ELAVL2: variants seen among roughly 807,000 people sequenced by gnomAD.
ELAVL2 encodes the protein ELAV-like protein 2.
A neutral mutation model predicts 34.6 loss-of-function variants in ELAVL2; 4 were observed. That is an observed-to-expected ratio of 0.12 (90% confidence interval 0.06 to 0.26). ELAVL2 has a LOEUF of 0.26. ELAVL2 is among the 10% of genes least tolerant of loss of function. The pLI, the probability that ELAVL2 is intolerant of heterozygous loss-of-function variation, is 1.00. For synonymous variants in ELAVL2, 193 were observed against 154.8 expected, an observed-to-expected ratio of 1.25 and a Z score of -1.83; for missense variants, 432 against 442.8, an observed-to-expected ratio of 0.98 and a Z score of 0.22.
At chr9:23,716,166 C>A (rs7853184) in intron 3 of ELAVL2, among the ~76,000 whole-genome samples, 1 of 123,596 alleles carries the variant, frequency 8.1e-6, no homozygotes, top group African/African-American at 2.9e-5. Context: ...GGCCTGTTGT[C>A]GGGTTGGGGG....
At chr9:23,779,431 T>G in intron 1 of ELAVL2, 1 of 984,916 alleles carries the variant, frequency 1.0e-6, no homozygotes, top group South Asian at 4.7e-5. Context: ...ATCTGGGAGG[T>G]GGCTGAGGGA....
intron 1 of ELAVL2, among the ~76,000 whole-genome samples, chr9:23,818,944 T>G (rs2064124470): frequency 6.6e-6 from 1 of 152,290 alleles, no homozygotes; most frequent in Middle Eastern, 3.4e-3. Context: ...GCGTCACAGG[T>G]TTTTTAAAAA....
intron 1 of ELAVL2, among the ~76,000 whole-genome samples, chr9:23,783,204 TA>T (rs1276936024): frequency 6.6e-6 from 1 of 152,218 alleles, no homozygotes; most frequent in Non-Finnish European, 1.5e-5. Context: ...AAGACATTAA[TA>T]AGCAGAATTA....
intron 3 of ELAVL2, among the ~76,000 whole-genome samples, chr9:23,722,476 G>C (rs184423442): frequency 6.6e-6 from 1 of 152,232 alleles, no homozygotes; most frequent in East Asian, 1.9e-4. Flanking sequence ...TCTGCAAGAG[G>C]GCAGAGTTCT....
At chr9:23,793,421 A>G (rs1289962670) in intron 1 of ELAVL2, among the ~76,000 whole-genome samples, 1 of 152,170 alleles carries the variant, frequency 6.6e-6, no homozygotes, top group Non-Finnish European at 1.5e-5. Context: ...CATCCTAAGT[A>G]AGGTCTAGAG....
At chr9:23,728,839 T>C (rs2045878735) in intron 3 of ELAVL2, among the ~76,000 whole-genome samples, 1 of 152,080 alleles carries the variant, frequency 6.6e-6, no homozygotes. Context: ...CTTAGACAAA[T>C]GTGGGCCAAA....
chr9:23,754,745 G>C (rs1340093906), intron 2 of ELAVL2, among the ~76,000 whole-genome samples: 2 of 152,152 alleles, frequency 1.3e-5, no homozygotes, highest in Non-Finnish European at 1.5e-5. Flanking sequence ...ATACAGGCAT[G>C]AATCACTGCG....
chr9:23,845,318 G>C, the ELAVL2 span, among the ~76,000 whole-genome samples: 1 of 151,636 alleles, frequency 6.6e-6, no homozygotes, highest in African/African-American at 2.4e-5. Flanking sequence ...AAATTGTATA[G>C]ACGGTTGTAT....
chr9:23,737,126 T>C (rs1244675634), intron 2 of ELAVL2, among the ~76,000 whole-genome samples: 1 of 152,172 alleles, frequency 6.6e-6, no homozygotes, highest in East Asian at 1.9e-4. Context: ...GCTCCCTCAC[T>C]AGACTGCTGA....
chr9:23,742,355 C>T (rs144358066), intron 2 of ELAVL2, among the ~76,000 whole-genome samples: 140 of 152,300 alleles, frequency 9.2e-4, no homozygotes, highest in African/African-American at 3.3e-3. Context: ...AAAACTACTG[C>T]AAGTGTTAAC....
At chr9:23,821,923 G>C (rs1008354157) in intron 1 of ELAVL2, 6 of 151,296 alleles carry the variant, frequency 4.0e-5, no homozygotes, top group African/African-American at 1.2e-4. Context: ...CGGCGCCGCG[G>C]CCGCCGCCGG....
At chr9:23,780,030 A>AAAAAC (rs1564431860) in intron 1 of ELAVL2, among the ~76,000 whole-genome samples, 6 of 122,142 alleles carry the variant, frequency 4.9e-5, no homozygotes, top group African/African-American at 1.7e-4. Context: ...AAAAAAAAAA[A>AAAAAC]AAAACTTCAT....
At chr9:23,780,758 A>G (rs10966076) in intron 1 of ELAVL2, among the ~76,000 whole-genome samples, 76 of 152,354 alleles carry the variant, frequency 5.0e-4, no homozygotes, top group Admixed American at 1.8e-3. Flanking sequence ...CAAAATGAAG[A>G]TTTTAGTTCA....
chr9:23,769,382 G>A (rs544408966), intron 1 of ELAVL2, among the ~76,000 whole-genome samples: 1 of 152,126 alleles, frequency 6.6e-6, no homozygotes, highest in Non-Finnish European at 1.5e-5. Context: ...CATTCCTATA[G>A]CAAATGCTTT....
At chr9:23,821,919 C>CGCG (rs1331323913) in intron 1 of ELAVL2, 2 of 151,208 alleles carry the variant, frequency 1.3e-5, no homozygotes, top group African/African-American at 2.4e-5. Flanking sequence ...TTCGCGGCGC[C>CGCG]GCGGCCGCCG....
chr9:23,702,973 A>AAAAAAAAAAAAAAAAAAAAAAAAC (rs1563957516), intron 4 of ELAVL2, among the ~76,000 whole-genome samples: 1 of 145,314 alleles, frequency 6.9e-6, no homozygotes, highest in East Asian at 2.2e-4. Flanking sequence ...AAAAAAAAAA[A>AAAAAAAAAAAAAAAAAAAAAAAAC]AAAAAAAACA....
chr9:23,762,278 G>C (rs1268623959), intron 1 of ELAVL2, 29 bp from the exon 2 acceptor site: 14 of 1,609,272 alleles, frequency 8.7e-6, no homozygotes, highest in Non-Finnish European at 1.2e-5. Flanking sequence ...AGAAATGTCA[G>C]AATTCATATT....
At chr9:23,809,964 C>T (rs2062759709) in intron 1 of ELAVL2, among the ~76,000 whole-genome samples, 1 of 152,148 alleles carries the variant, frequency 6.6e-6, no homozygotes, top group Admixed American at 6.6e-5. Flanking sequence ...CTATTGAACA[C>T]TTGACCTGCC....
At chr9:23,758,584 T>G (rs1276319465) in intron 2 of ELAVL2, among the ~76,000 whole-genome samples, 2 of 152,122 alleles carry the variant, frequency 1.3e-5, no homozygotes, top group Non-Finnish European at 2.9e-5. Context: ...TTAGGAATCA[T>G]GCTCATATGT....
Sources: allele counts gnomAD v4.1 joint callset (sites outside exome capture counted in the v4.1 genomes callset), GRCh38; gene constraint gnomAD v4.1.1; transcripts MANE v1.5; gene names NCBI Gene and HGNC (gene_info 2026-07-23, HGNC 2026-07-21).